Variants in VPS13D observed in about 807,000 individuals in gnomAD.
VPS13D encodes vacuolar protein sorting 13 homolog D.
In VPS13D, 187 loss-of-function variants were observed where a neutral mutation model predicts 461.9. The observed-to-expected ratio is 0.40, with a 90% CI of 0.36 to 0.46. The LOEUF is 0.46. VPS13D is among the 20% of genes least tolerant of loss of function. VPS13D has a pLI of 0.60. For synonymous variants in VPS13D, 1,951 were observed against 1,986.3 expected (o/e 0.98, Z 0.47); for missense variants, 4,711 against 5,364.9 (o/e 0.88, Z 3.81).
Position 12,319,585 on chromosome 1 carries a change from C to T in VPS13D, c.7503C>T (p.Pro2501=), listed in dbSNP as rs1642979900. The change falls in exon 32 of 70, where the codon CCC becomes CCT. Residue 2501 remains proline (P), a synonymous_variant. Transcript: ENST00000620676. ...LKGTTVLTYK[P]RFVDRPFSGS... The stretch of plus-strand genomic sequence containing the variant: ...GCACCACAGTGCTCACCTATAAGCC[C>T]CGGTTTGTTGATCGCCCCTTTTCAG... 1 of 1,614,170 alleles carries T rather than the reference C, an allele frequency of 6.2e-7. No individual in the cohort carries two copies. The highest frequency in any genetic ancestry group is 8.5e-7 in the Non-Finnish European group (1 of 1,180,020).
chr1:12,314,091 C>G, intron 29 of VPS13D, 24 bp from the exon 30 acceptor site: 1 of 1,605,640 alleles, frequency 6.2e-7, no homozygotes, highest in Non-Finnish European at 8.5e-7. Flanking sequence ...TCACATCTTG[C>G]TTGCTTTCTT....
intron 36 of VPS13D, among the ~76,000 whole-genome samples, chr1:12,328,983 G>A (rs1036624020): frequency 6.6e-6 from 1 of 152,186 alleles, no homozygotes; most frequent in Non-Finnish European, 1.5e-5. Context: ...ACATTACAGA[G>A]CTTGCCCTTT....
intron 34 of VPS13D, 129 bp from the exon 35 acceptor site, chr1:12,323,577 A>G (rs1488150320): frequency 4.9e-6 from 4 of 811,474 alleles, no homozygotes; most frequent in Non-Finnish European, 7.7e-6. Context: ...TTAGGAGTCC[A>G]GTTTTGCTTA....
At chr1:12,312,628 T>C (rs1282574265) in intron 29 of VPS13D, among the ~76,000 whole-genome samples, 1 of 152,122 alleles carries the variant, frequency 6.6e-6, no homozygotes, top group East Asian at 1.9e-4. Context: ...CGCATGGTGG[T>C]GCATGCCTGT....
chr1:12,282,091 T>C (rs1398766853), intron 20 of VPS13D, among the ~76,000 whole-genome samples: 11 of 152,134 alleles, frequency 7.2e-5, no homozygotes. Flanking sequence ...TTTCACCATG[T>C]AGCCCAAGCT....
intron 32 of VPS13D, among the ~76,000 whole-genome samples, chr1:12,320,325 C>A (rs1159708657): frequency 6.6e-6 from 1 of 152,278 alleles, no homozygotes; most frequent in Non-Finnish European, 1.5e-5. Context: ...GTGGCAGGTT[C>A]TTGTTTCTAT....
chr1:12,378,355 G>C, intron 55 of VPS13D, 73 bp from the exon 56 acceptor site: 1 of 1,391,492 alleles, frequency 7.2e-7, no homozygotes, highest in East Asian at 2.6e-5. Context: ...CCTAGAGGAA[G>C]CTCTTGAAGT....
chr1:12,382,874 G>A, intron 57 of VPS13D, 102 bp from the exon 58 acceptor site: 1 of 1,093,012 alleles, frequency 9.1e-7, no homozygotes, highest in South Asian at 1.6e-5. Context: ...TGACCCTCCA[G>A]AGGAGAATGT....
At chr1:12,438,597 G>A (rs1645090871) in intron 65 of VPS13D, among the ~76,000 whole-genome samples, 1 of 152,134 alleles carries the variant, frequency 6.6e-6, no homozygotes, top group Non-Finnish European at 1.5e-5. Context: ...GTTCAGTGGG[G>A]AAACACAGAT....
intron 67 of VPS13D, among the ~76,000 whole-genome samples, chr1:12,490,217 G>C (rs916081134): frequency 1.3e-5 from 2 of 152,190 alleles, no homozygotes; most frequent in Non-Finnish European, 2.9e-5. Flanking sequence ...GGCTACCCTA[G>C]TTTGGATCCT....
chr1:12,300,207 CTTT>C (rs35299447), intron 25 of VPS13D, among the ~76,000 whole-genome samples: 3 of 123,344 alleles, frequency 2.4e-5, no homozygotes, highest in Admixed American at 9.2e-5. Context: ...ATTTGCTTTG[CTTT>C]TTTTTTTTTT....
At chr1:12,447,165 G>T (rs1645203405) in intron 65 of VPS13D, among the ~76,000 whole-genome samples, 1 of 152,102 alleles carries the variant, frequency 6.6e-6, no homozygotes. Flanking sequence ...TGTCAGTTCT[G>T]CTACTTGGGA....
chr1:12,465,999 G>C (rs774048104), intron 67 of VPS13D, among the ~76,000 whole-genome samples: 24 of 152,114 alleles, frequency 1.6e-4, no homozygotes, highest in Non-Finnish European at 3.2e-4. Flanking sequence ...GCTGGGCGTG[G>C]TGGTGCGCGC....
rs763507962 is a variant in VPS13D, at chr1:12,362,746, C to T, written c.10168C>T (p.Arg3390Ter). 6.2e-7 allele frequency: 1 copy of T among 1,613,942 alleles called. No homozygotes were observed. Among genetic ancestry groups the T allele is most frequent in the Non-Finnish European group, 8.5e-7 (1 of 1,180,006 alleles). The change falls in exon 51 of 70, where the codon CGA (arginine) becomes TGA (stop). Residue 3390 changes from arginine to a stop codon, truncating the protein, a stop_gained. Transcript: ENST00000620676. LOFTEE classifies it high-confidence loss of function. ...IGIDVKKGRG[R>*]YIDTCMVIFA... The stretch of plus-strand genomic sequence containing the variant: ...TATTGATGTCAAGAAAGGCCGAGGT[C>T]GATACATTGATACCTGCATGGTCAT...
At chr1:12,430,470 G>A (rs367563396) in intron 65 of VPS13D, among the ~76,000 whole-genome samples, 3 of 152,198 alleles carry the variant, frequency 2.0e-5, no homozygotes, top group African/African-American at 4.8e-5. Context: ...GCACTTTCAC[G>A]TCTGTGAGAT....
In VPS13D at chr1:12,304,685, G is replaced by A. The variant is rs1220132440; in HGVS notation, c.6396G>A (p.Gly2132=). Residue 2132 remains glycine (G), a synonymous_variant, in exon 26 of 70, where the codon GGG becomes GGA. Coordinates refer to ENST00000620676, the MANE Select transcript of VPS13D (RefSeq NM_015378.4). ...CCAGTACCTCCACCAAGCAGCAAGG[G>A]CCGCAACCCACACTGTCTGTTGGCC... The part of the protein sequence containing the change: ...FVPSTSTKQQ[G]PQPTLSVGQE... 6.2e-7 allele frequency: 1 copy of A among 1,613,966 alleles called. No homozygotes were observed. The highest frequency in any genetic ancestry group is 8.5e-7 in the Non-Finnish European group (1 of 1,180,022).
rs147789891 is a variant in VPS13D, at chr1:12,253,796, A to G, written c.639A>G (p.Leu213=). The change falls in exon 7 of 70, where the codon TTA becomes TTG. Residue 213 remains leucine, a synonymous_variant. Transcript: ENST00000620676. The stretch of plus-strand genomic sequence containing the variant: ...TCTATTGGGATGTCGATTGCACTTT[A>G]CTGGGGGATTTGCCTCAGATGGAGT... ...FSIYWDVDCT[L]LGDLPQMELQ... The G allele has an allele frequency of 8.7e-6, 14 of 1,613,980 alleles. No individual in the cohort carries two copies. The African/African-American group carries it at 1.9e-4, about 22-fold the overall frequency.
intron 13 of VPS13D, 88 bp downstream of exon 13, chr1:12,262,168 T>C: frequency 1.4e-6 from 2 of 1,431,574 alleles, no homozygotes; most frequent in East Asian, 2.3e-5. Flanking sequence ...GTGGGGATAG[T>C]CTAGAAAGTC....
At chr1:12,275,085 A>G (rs1032423150) in intron 18 of VPS13D, among the ~76,000 whole-genome samples, 4 of 152,196 alleles carry the variant, frequency 2.6e-5, no homozygotes, top group African/African-American at 9.6e-5. Flanking sequence ...CAGTCATGGT[A>G]GCAGGCACAT....
Sources: allele counts gnomAD v4.1 joint callset (sites outside exome capture counted in the v4.1 genomes callset), GRCh38; gene constraint gnomAD v4.1.1; transcripts MANE v1.5; gene names NCBI Gene and HGNC (gene_info 2026-07-23, HGNC 2026-07-21).